The following DNAH6 variants were observed in gnomAD, a reference collection of about 807,000 sequenced individuals.
The protein encoded by DNAH6 is dynein axonemal heavy chain 6.
In DNAH6, 340 loss-of-function variants were observed where a neutral mutation model predicts 491.4. The ratio of observed to expected loss-of-function variants is 0.69; its 90% CI spans 0.63 to 0.76. The LOEUF (loss-of-function observed/expected upper bound fraction) is 0.76, where lower values mean the gene tolerates loss of function less well. DNAH6 is among the 30% of genes least tolerant of loss of function. The pLI is 0.00. For missense variants in DNAH6, 4,443 were observed against 4,972.2 expected, an observed-to-expected ratio of 0.89 and a Z score of 3.20; for synonymous variants, 1,603 against 1,686.1, an observed-to-expected ratio of 0.95 and a Z score of 1.21.
chr2:84,813,087 C>T lies in DNAH6; in HGVS notation c.11955C>T (p.Ser3985=). Residue 3985 remains serine (S), a synonymous_variant, in exon 74 of 77, where the codon TCC becomes TCT. Transcript: ENST00000389394. ...GGCTCAAAAGAGGACAGCCTAAGTC[C>T]TACTGGATCTCTGGTTTCTTCTTTC... ...DLWLKRGQPK[S]YWISGFFFPQ... is the part of the protein sequence containing the mutation. The T allele has an allele frequency of 6.4e-7, 1 of 1,551,876 alleles. No homozygotes were observed. Among genetic ancestry groups the T allele is most frequent in the Non-Finnish European group, 8.7e-7 (1 of 1,146,978 alleles).
intron 4 of DNAH6, among the ~76,000 whole-genome samples, chr2:84,535,027 A>G (rs1031821363): frequency 6.6e-6 from 1 of 151,972 alleles, no homozygotes; most frequent in Non-Finnish European, 1.5e-5. Flanking sequence ...TTTTGATCCT[A>G]TATGAGTGTA....
intron 57 of DNAH6, among the ~76,000 whole-genome samples, chr2:84,714,946 T>C (rs564436260): frequency 6.6e-5 from 10 of 151,846 alleles, no homozygotes; most frequent in Admixed American, 4.6e-4. Flanking sequence ...ACTCTTGTTA[T>C]ACTTACTGGT....
intron 40 of DNAH6, among the ~76,000 whole-genome samples, chr2:84,673,172 C>T (rs550173692): frequency 9.2e-5 from 14 of 152,194 alleles, no homozygotes; most frequent in Non-Finnish European, 1.9e-4. Context: ...GAGCGTTTTA[C>T]ACCCCAGAAG....
rs1699087559 is a variant in DNAH6, at chr2:84,731,206, A to C, written c.10207-2238A>C. Among the ~76,000 whole-genome samples, 3 of 152,316 alleles carry C rather than the reference A, an allele frequency of 2.0e-5. 1 individual carries two copies. The South Asian group carries it at 6.2e-4, about 32-fold the overall frequency. On this transcript the variant is annotated intron_variant, in intron 61 of 76. Transcript: ENST00000389394. Reference sequence around the variant, plus strand: ...TAGGAACTGCACTCAAGACTGATGCAGCTAAGAGCACAGGGCTCCTGCCTA... The same window carrying C: ...TAGGAACTGCACTCAAGACTGATGCCGCTAAGAGCACAGGGCTCCTGCCTA...
intron 71 of DNAH6, among the ~76,000 whole-genome samples, chr2:84,807,241 G>A (rs1679504606): frequency 6.6e-6 from 1 of 152,212 alleles, no homozygotes; most frequent in African/African-American, 2.4e-5. Context: ...AGACTCATTG[G>A]CACTGCTGTG....
Position 84,784,773 on chromosome 2 carries a change from A to G in DNAH6, c.10916A>G (p.Asn3639Ser), listed in dbSNP as rs1301365454. 1.3e-6 allele frequency: 2 copies of G among 1,550,510 alleles called. No homozygotes were observed. Among genetic ancestry groups the G allele is most frequent in the Non-Finnish European group, 1.7e-6 (2 of 1,146,122 alleles). Residue 3639 changes from asparagine (N) to serine (S), a missense_variant, in exon 66 of 77, where the codon AAT becomes AGT. Transcript: ENST00000389394. ...CTTTTTTTAAGCTCCATGCCTAGTA[A>G]TACATTTCCTGTTACAGTTCTTCAA... ...FRLFLSSMPS[N>S]TFPVTVLQNS... is the part of the protein sequence containing the mutation.
chr2:84,716,112 TATATATACAC>T (rs1013648424), intron 58 of DNAH6, among the ~76,000 whole-genome samples: 3 of 149,610 alleles, frequency 2.0e-5, no homozygotes, highest in Non-Finnish European at 4.4e-5. Flanking sequence ...TATGTGTGTA[TATATATACAC>T]ATATATACAT....
At chr2:84,785,789 G>A (rs946639183) in intron 67 of DNAH6, 33 bp downstream of exon 67, 1 of 1,464,566 alleles carries the variant, frequency 6.8e-7, no homozygotes, top group African/African-American at 1.4e-5. Flanking sequence ...ATAGCAACAA[G>A]GAAGTGTATT....
At chr2:84,576,114 A>G (rs1682417938) in intron 12 of DNAH6, among the ~76,000 whole-genome samples, 1 of 152,226 alleles carries the variant, frequency 6.6e-6, no homozygotes, top group Non-Finnish European at 1.5e-5. Flanking sequence ...GGAAAATACT[A>G]AACAGCGCAG....
chr2:84,650,831 GT>G (rs1395983819), intron 33 of DNAH6, among the ~76,000 whole-genome samples: 2 of 152,300 alleles, frequency 1.3e-5, no homozygotes, highest in Non-Finnish European at 2.9e-5. Context: ...GGCTTTTGAT[GT>G]GATGAATGAT....
At chr2:84,568,102 G>T (rs2103893602) in intron 11 of DNAH6, among the ~76,000 whole-genome samples, 1 of 152,230 alleles carries the variant, frequency 6.6e-6, no homozygotes, top group Non-Finnish European at 1.5e-5. Context: ...AGGCTGTGGA[G>T]GAATAGGAAC....
chr2:84,707,788 C>T, intron 54 of DNAH6, 72 bp downstream of exon 54: 1 of 1,232,400 alleles, frequency 8.1e-7, no homozygotes, highest in East Asian at 2.5e-5. Context: ...GTTCATTTTT[C>T]TGAGTTCAGA....
At chr2:84,639,167 A>G (rs1244998538) in intron 31 of DNAH6, among the ~76,000 whole-genome samples, 1 of 152,152 alleles carries the variant, frequency 6.6e-6, no homozygotes, top group Non-Finnish European at 1.5e-5. Flanking sequence ...GGTGGGGGGC[A>G]GTTAGGACAG....
chr2:84,760,531 A>C (rs1394473264), intron 63 of DNAH6, among the ~76,000 whole-genome samples: 1 of 152,156 alleles, frequency 6.6e-6, no homozygotes, highest in South Asian at 2.1e-4. Flanking sequence ...AAGACATACA[A>C]ATGGCTAACA....
intron 64 of DNAH6, among the ~76,000 whole-genome samples, chr2:84,775,761 T>C (rs1412231308): frequency 6.6e-6 from 1 of 152,172 alleles, no homozygotes; most frequent in Non-Finnish European, 1.5e-5. Context: ...TCTCCAGAAA[T>C]TGATCCATTT....
chr2:84,584,960 G>A (rs1368520164), intron 15 of DNAH6: 1 of 152,190 alleles, frequency 6.6e-6, no homozygotes, highest in Non-Finnish European at 1.5e-5. Flanking sequence ...TGGTTACCTT[G>A]TACCACTTTT....
At chr2:84,598,640 T>C (rs1684910143) in intron 18 of DNAH6, among the ~76,000 whole-genome samples, 1 of 152,204 alleles carries the variant, frequency 6.6e-6, no homozygotes, top group African/African-American at 2.4e-5. Context: ...AGAATTCCAG[T>C]TTCTCCTCAT....
intron 56 of DNAH6, among the ~76,000 whole-genome samples, chr2:84,711,077 G>C (rs1696999253): frequency 6.6e-6 from 1 of 152,184 alleles, no homozygotes; most frequent in South Asian, 2.1e-4. Context: ...GAAAGAAAGA[G>C]AGAAGAAATG....
chr2:84,812,412 T>C lies in DNAH6; in HGVS notation c.11811T>C (p.Tyr3937=). Residue 3937 remains tyrosine, a synonymous_variant, in exon 73 of 77, where the codon TAT becomes TAC. Transcript: ENST00000389394. The part of the protein sequence containing the change: ...VVMSEEMEKV[Y]NSFLNNQVPA... The stretch of plus-strand genomic sequence containing the variant: ...TGTCTGAAGAAATGGAAAAAGTGTA[T>C]AACAGTTTCCTCAACAACCAGGTTC... 1 of 1,551,706 alleles carries C rather than the reference T, an allele frequency of 6.4e-7. No individual in the cohort carries two copies. Among genetic ancestry groups the C allele is most frequent in the South Asian group, 1.2e-5 (1 of 84,062 alleles).
Sources: allele counts gnomAD v4.1 joint callset (sites outside exome capture counted in the v4.1 genomes callset), GRCh38; gene constraint gnomAD v4.1.1; transcripts MANE v1.5; gene names NCBI Gene and HGNC (gene_info 2026-07-23, HGNC 2026-07-21).